The following ARHGEF10 variants were observed in gnomAD, a reference collection of about 807,000 sequenced individuals.
ARHGEF10 encodes Rho guanine nucleotide exchange factor 10, also known as Rho guanine nucleotide exchange factor (GEF) 10.
In ARHGEF10, 140 loss-of-function variants were observed where a neutral mutation model predicts 147.4. The ratio of observed to expected loss-of-function variants is 0.95; its 90% CI spans 0.83 to 1.09. The LOEUF (loss-of-function observed/expected upper bound fraction) is 1.09. Ranked by LOEUF, ARHGEF10 falls within the 50% of genes least tolerant of loss-of-function variation. The pLI, the probability that ARHGEF10 is intolerant of heterozygous loss-of-function variation, is 0.00. For synonymous variants in ARHGEF10, 902 were observed against 695.8 expected (o/e 1.30, Z -4.67); for missense variants, 2,222 against 1,752.7 (o/e 1.27, Z -4.78).
chr8:1,883,163 G>A (rs1360563896), intron 10 of ARHGEF10, among the ~76,000 whole-genome samples: 1 of 152,118 alleles, frequency 6.6e-6, no homozygotes, highest in Admixed American at 6.5e-5. Context: ...GGGGAGATTT[G>A]GAGTAGACAG....
intron 27 of ARHGEF10, 40 bp downstream of exon 27, chr8:1,945,695 C>G (rs760287861): frequency 6.2e-7 from 1 of 1,612,090 alleles, no homozygotes. Flanking sequence ...GGACAGCAAC[C>G]GGGGACGGAC....
intron 10 of ARHGEF10, among the ~76,000 whole-genome samples, chr8:1,883,749 A>C (rs567824554): frequency 6.6e-6 from 1 of 152,250 alleles, no homozygotes; most frequent in Admixed American, 6.5e-5. Context: ...CAGGGCAGCA[A>C]AGGACAGCCT....
intron 14 of ARHGEF10, among the ~76,000 whole-genome samples, 193 bp downstream of exon 14, chr8:1,896,642 C>T (rs1384384866): frequency 6.6e-6 from 1 of 152,136 alleles, no homozygotes; most frequent in Non-Finnish European, 1.5e-5. Context: ...TTTATTTGCA[C>T]CTTCTTAAAA....
Position 1,897,947 on chromosome 8 carries a change from G to A in ARHGEF10, c.1558-486G>A, listed in dbSNP as rs1458511399. Among the ~76,000 whole-genome samples, 3 of 152,154 alleles carry A rather than the reference G, an allele frequency of 2.0e-5. No homozygotes were observed. The East Asian group carries it at 5.8e-4, about 29-fold the overall frequency. On this transcript the variant is annotated intron_variant, in intron 14 of 28. Transcript: ENST00000349830. ...GTCTGTGCTGTCTGCCCTCTCCACT[G>A]CACAGCCCCCTCAGCAGAGGGACCT...
chr8:1,934,015 G>C, intron 26 of ARHGEF10, 73 bp downstream of exon 26: 1 of 1,600,134 alleles, frequency 6.2e-7, no homozygotes, highest in South Asian at 1.1e-5. Flanking sequence ...TTCTGGTGCC[G>C]AAGTCAAGGC....
At position 1,841,974 on chromosome 8, in the gene ARHGEF10, G is replaced by GCGACGGGAACTGGGT. The variant is rs1563161914; in HGVS notation, c.-47-1378_-47-1377insGACGGGAACTGGGTC. On this transcript the variant is annotated intron_variant, in intron 1 of 28. Coordinates refer to ENST00000349830, the MANE Select transcript of ARHGEF10 (RefSeq NM_014629.4). ...AACTGGGGCCGCGACCGGAACTGGG[G>GCGACGGGAACTGGGT]CCGCGGCGGGAACTGGGGCCGCGGC... is the stretch of plus-strand genomic sequence containing the variant. Among the ~76,000 whole-genome samples the GCGACGGGAACTGGGT allele has an allele frequency of 4.6e-5, 2 of 43,582 alleles. 1 individual carries two copies. Among genetic ancestry groups the GCGACGGGAACTGGGT allele is most frequent in the African/African-American group, 2.5e-4 (2 of 7,956 alleles). 28.6% of individuals were successfully genotyped at this position (43,582 alleles called of 152,430 possible). A position where few individuals can be genotyped will look rare whatever the true frequency, so the allele number is the denominator to read the frequency against.
intron 2 of ARHGEF10, among the ~76,000 whole-genome samples, chr8:1,848,013 G>C (rs931746086): frequency 6.6e-6 from 1 of 152,224 alleles, no homozygotes; most frequent in African/African-American, 2.4e-5. Context: ...AAGGTGGCCC[G>C]GGAATGGGTG....
intron 16 of ARHGEF10, chr8:1,903,699 A>T (rs185651656): frequency 3.5e-6 from 2 of 575,434 alleles, no homozygotes; most frequent in African/African-American, 1.9e-5. Context: ...TAGACCCTCA[A>T]ATGGATCCAG....
chr8:1,947,543 C>G (rs1351079378), intron 27 of ARHGEF10, among the ~76,000 whole-genome samples: 2 of 152,074 alleles, frequency 1.3e-5, no homozygotes, highest in Non-Finnish European at 2.9e-5. Context: ...TTAATAAAAC[C>G]CAACAGCACT....
At chr8:1,833,757 C>A (rs1260157560) in intron 1 of ARHGEF10, among the ~76,000 whole-genome samples, 1 of 152,226 alleles carries the variant, frequency 6.6e-6, no homozygotes, top group Non-Finnish European at 1.5e-5. Context: ...AGATCCCGGC[C>A]CCACTGCCTT....
intron 26 of ARHGEF10, among the ~76,000 whole-genome samples, chr8:1,940,670 C>A (rs1322436352): frequency 6.6e-6 from 1 of 152,158 alleles, no homozygotes; most frequent in Non-Finnish European, 1.5e-5. Flanking sequence ...AAAGACATGA[C>A]AAGAAAACCA....
chr8:1,829,315 C>T (rs550988450), intron 1 of ARHGEF10, among the ~76,000 whole-genome samples: 1 of 152,260 alleles, frequency 6.6e-6, no homozygotes, highest in Admixed American at 6.5e-5. Context: ...ATGGTGCGTG[C>T]AGTTCTGAGC....
chr8:1,889,642 T>A lies in ARHGEF10; in HGVS notation c.1183-3927T>A, dbSNP rs1416351176. Among the ~76,000 whole-genome samples the A allele has an allele frequency of 1.1e-4, 6 of 54,684 alleles. 2 individuals carry two copies. Among genetic ancestry groups the A allele is most frequent in the African/African-American group, 4.4e-4 (4 of 9,122 alleles). 35.9% of individuals were successfully genotyped at this position (54,684 alleles called of 152,430 possible). ...GTCTGTGAGGAGTCATGGAGTGTGG[T>A]GTGAGTTGTGAGAAAACTCGGAGTG... On this transcript the variant is annotated intron_variant, in intron 11 of 28. Coordinates refer to ENST00000349830, the MANE Select transcript of ARHGEF10 (RefSeq NM_014629.4).
At position 1,845,450 on chromosome 8, in the gene ARHGEF10, T is replaced by C. The variant is rs148970445; in HGVS notation, c.37+2014T>C. Among the ~76,000 whole-genome samples the C allele has an allele frequency of 2.2e-4, 33 of 152,304 alleles. No individual in the cohort carries two copies. The East Asian group carries it at 4.6e-3, about 21-fold the overall frequency. ...CATGTAAGATGGCACACCATTAATA[T>C]GGTGCCTTGACATGCTGAGGAGGCG... On this transcript the variant is annotated intron_variant, in intron 2 of 28. Coordinates refer to ENST00000349830, the MANE Select transcript of ARHGEF10 (RefSeq NM_014629.4).
At chr8:1,865,482 A>G (rs1358941784) in intron 5 of ARHGEF10, among the ~76,000 whole-genome samples, 13 of 148,996 alleles carry the variant, frequency 8.7e-5, no homozygotes, top group Admixed American at 7.3e-4. Flanking sequence ...CCAGGGGGCC[A>G]TCACCAGGAC....
Position 1,860,081 on chromosome 8 carries a change from G to A in ARHGEF10, c.378G>A (p.Leu126=), listed in dbSNP as rs1277785304. ...GTCTCCATGTGCCCTGCGGGTACTT[G>A]GTGCCTGTACCCTGCGGCTATGCGG... is the stretch of plus-strand genomic sequence containing the variant. ...NVGLHVPCGY[L]VPVPCGYAVP... The change falls in exon 4 of 29, where the codon TTG becomes TTA. Residue 126 remains leucine, a synonymous_variant. Coordinates refer to ENST00000349830, the MANE Select transcript of ARHGEF10 (RefSeq NM_014629.4). The A allele has an allele frequency of 6.2e-7, 1 of 1,614,036 alleles. No homozygotes were observed. Among genetic ancestry groups the A allele is most frequent in the African/African-American group, 1.3e-5 (1 of 75,002 alleles).
intron 7 of ARHGEF10, among the ~76,000 whole-genome samples, chr8:1,872,440 C>A (rs540733067): frequency 6.6e-6 from 1 of 152,304 alleles, no homozygotes; most frequent in African/African-American, 2.4e-5. Context: ...CTTGTAAACT[C>A]CCTCACCTGC....
At chr8:1,924,844 A>C (rs989776007) in intron 21 of ARHGEF10, among the ~76,000 whole-genome samples, 2 of 152,238 alleles carry the variant, frequency 1.3e-5, no homozygotes, top group African/African-American at 4.8e-5. Context: ...TGGGAGTAAA[A>C]TATTTCTCCA....
intron 26 of ARHGEF10, chr8:1,943,793 G>A (rs978339860): frequency 4.6e-5 from 7 of 152,220 alleles, no homozygotes; most frequent in African/African-American, 1.4e-4. Context: ...AGGAAACTAC[G>A]GGCATATGGC....
Sources: allele counts gnomAD v4.1 joint callset (sites outside exome capture counted in the v4.1 genomes callset), GRCh38; gene constraint gnomAD v4.1.1; transcripts MANE v1.5; gene names NCBI Gene and HGNC (gene_info 2026-07-23, HGNC 2026-07-21).